Variants in SDC2 observed in about 807,000 individuals in gnomAD.
SDC2 encodes syndecan-2.
A neutral mutation model predicts 22.2 loss-of-function variants in SDC2; 13 were observed. That is an observed-to-expected ratio of 0.59 (90% CI 0.38 to 0.93). SDC2 has a LOEUF of 0.93. Among genes scored for constraint, SDC2 ranks in the 40% least tolerant of loss-of-function variants. SDC2 has a pLI of 0.00. For missense variants in SDC2, 235 were observed against 246.8 expected, an observed-to-expected ratio of 0.95 and a Z score of 0.32; for synonymous variants, 94 against 92.8, an observed-to-expected ratio of 1.01 and a Z score of -0.07.
At chr8:96,572,027 T>C (rs1001305563) in intron 1 of SDC2, among the ~76,000 whole-genome samples, 8 of 152,190 alleles carry the variant, frequency 5.3e-5, no homozygotes, top group African/African-American at 1.9e-4. Flanking sequence ...GGGGTTTGTT[T>C]ATCCTTCTGT....
At chr8:96,566,683 A>G (rs1436945197) in intron 1 of SDC2, among the ~76,000 whole-genome samples, 1 of 150,060 alleles carries the variant, frequency 6.7e-6, no homozygotes, top group Non-Finnish European at 1.5e-5. Context: ...TTTTTATTTT[A>G]TTTTTATATT....
Position 96,515,653 on chromosome 8 carries a change from C to T in SDC2, c.60+21322C>T, listed in dbSNP as rs567622045. ...TATTTTTGGCTCTGAATATTATACA[C>T]TGAACATAGAGTCTTGTCCTGGAAT... On this transcript the variant is annotated intron_variant, in intron 1 of 4. Coordinates refer to ENST00000302190, the MANE Select transcript of SDC2 (RefSeq NM_002998.4). Among the ~76,000 whole-genome samples the T allele has an allele frequency of 4.6e-5, 7 of 152,238 alleles. No homozygotes were observed. The East Asian group carries it at 1.2e-3, about 25-fold the overall frequency.
chr8:96,528,771 A>G (rs367714933), intron 1 of SDC2, among the ~76,000 whole-genome samples: 284 of 152,302 alleles, frequency 1.9e-3, no homozygotes, highest in African/African-American at 6.2e-3. Context: ...TGGCAGAGAG[A>G]AAAACTGGAA....
intron 1 of SDC2, among the ~76,000 whole-genome samples, chr8:96,519,857 A>C (rs1398864214): frequency 6.6e-6 from 1 of 151,782 alleles, no homozygotes; most frequent in Non-Finnish European, 1.5e-5. Context: ...TGAACTCCTG[A>C]CCTCAAGTGA....
chr8:96,590,963 C>T (rs1331074307), intron 1 of SDC2, among the ~76,000 whole-genome samples: 1 of 152,148 alleles, frequency 6.6e-6, no homozygotes, highest in Non-Finnish European at 1.5e-5. Context: ...CTGACTTCCA[C>T]CCCAAGTCTT....
intron 1 of SDC2, among the ~76,000 whole-genome samples, chr8:96,509,249 G>A (rs1356690332): frequency 7.1e-6 from 1 of 141,826 alleles, no homozygotes; most frequent in Non-Finnish European, 1.6e-5. Flanking sequence ...TTAATTAATG[G>A]GTGTCAAGCA....
intron 1 of SDC2, among the ~76,000 whole-genome samples, chr8:96,593,040 T>C (rs1419986825): frequency 1.3e-5 from 2 of 152,178 alleles, no homozygotes; most frequent in Non-Finnish European, 2.9e-5. Context: ...CCCTGGGTGA[T>C]TATTTAGCCT....
intron 1 of SDC2, among the ~76,000 whole-genome samples, chr8:96,494,925 A>G (rs1035992882): frequency 6.6e-6 from 1 of 152,232 alleles, no homozygotes; most frequent in Non-Finnish European, 1.5e-5. Context: ...GGTAACCGAC[A>G]CTACGTGGAA....
At position 96,608,408 on chromosome 8, in the gene SDC2, A is replaced by G. The variant is rs1201365385; in HGVS notation, c.380A>G (p.Asp127Gly). ...SERKMDPAEE[D>G]TNVYTEKHSD... ...AGGAAAATGGACCCAGCCGAAGAGG[A>G]TACAAATGTGTATACTGAGAAACAC... Residue 127 changes from aspartate to glycine, a missense_variant, in exon 4 of 5, where the codon GAT (aspartate) becomes GGT (glycine). Asp to Gly is a moderately conservative substitution (Grantham distance 94). Transcript: ENST00000302190. 6.2e-7 allele frequency: 1 copy of G among 1,613,916 alleles called. No homozygotes were observed. Among genetic ancestry groups the G allele is most frequent in the Admixed American group, 1.7e-5 (1 of 60,002 alleles).
rs1813535459 is a variant in SDC2 at position 96,523,841 on chromosome 8, TATC to T, written c.60+29513_60+29515del. On this transcript the variant is annotated intron_variant, in intron 1 of 4. Transcript: ENST00000302190. Reference sequence around the variant, plus strand: ...GCTAATGATTTCTTTTCCCTTAAAATATCATACAGGGGAGTAGGATTTAGGTAG... The same window carrying T: ...GCTAATGATTTCTTTTCCCTTAAAATATACAGGGGAGTAGGATTTAGGTAG... 2.6e-5 allele frequency among the ~76,000 whole-genome samples: 4 copies of T among 152,320 alleles called. 1 individual carries two copies. In the South Asian group the frequency reaches 8.3e-4, roughly 32 times the overall value.
Position 96,602,394 on chromosome 8 carries a change from GGAGCTGATGAGGATGTAGAGAGTCCA to G in SDC2, c.180_205del (p.Glu61AsnfsTer12). 6.2e-7 allele frequency: 1 copy of G among 1,613,518 alleles called. No individual in the cohort carries two copies. The highest frequency in any genetic ancestry group is 8.5e-7 in the Non-Finnish European group (1 of 1,179,660). ...CAGTTCATCTTCACTTACTTTTCCA[GGAGCTGATGAGGATGTAGAGAGTCCA>G]GAGCTGACAACATCTCGACCACTTC... On this transcript the variant is annotated frameshift_variant and splice_region_variant, in exon 3 of 5. Transcript: ENST00000302190. LOFTEE classifies it high-confidence loss of function.
At chr8:96,562,175 T>C (rs1814220677) in intron 1 of SDC2, among the ~76,000 whole-genome samples, 1 of 152,126 alleles carries the variant, frequency 6.6e-6, no homozygotes, top group African/African-American at 2.4e-5. Flanking sequence ...TTGTGAAGAG[T>C]TTTTAAGATC....
At chr8:96,606,583 A>G (rs1175645744) in intron 3 of SDC2, among the ~76,000 whole-genome samples, 1 of 152,192 alleles carries the variant, frequency 6.6e-6, no homozygotes, top group Non-Finnish European at 1.5e-5. Flanking sequence ...GAACTGGGGC[A>G]GTGCTGTTGG....
At chr8:96,587,024 G>A (rs948777624) in intron 1 of SDC2, among the ~76,000 whole-genome samples, 2 of 152,166 alleles carry the variant, frequency 1.3e-5, no homozygotes, top group Admixed American at 6.5e-5. Flanking sequence ...CTGGGTTCAA[G>A]CGATTCTCCT....
chr8:96,520,503 C>A (rs1236864764), intron 1 of SDC2, among the ~76,000 whole-genome samples: 1 of 152,176 alleles, frequency 6.6e-6, no homozygotes, highest in African/African-American at 2.4e-5. Flanking sequence ...AGCCTCTCCT[C>A]ACATTCCCAA....
chr8:96,527,738 T>C lies in SDC2; in HGVS notation c.60+33407T>C, dbSNP rs1354668687. Among the ~76,000 whole-genome samples the C allele has an allele frequency of 2.6e-5, 4 of 152,190 alleles. No individual in the cohort carries two copies. The East Asian group carries it at 7.7e-4, about 29-fold the overall frequency. On this transcript the variant is annotated intron_variant, in intron 1 of 4. Coordinates refer to ENST00000302190, the MANE Select transcript of SDC2 (RefSeq NM_002998.4). ...TAGGGTGCATTTAAAAGGCACTGAA[T>C]GTTTGGAATGGAGTGCAAGAATTAA... is the stretch of plus-strand genomic sequence containing the variant.
chr8:96,538,586 A>G (rs370594796), intron 1 of SDC2: 1 of 152,138 alleles, frequency 6.6e-6, no homozygotes, highest in Non-Finnish European at 1.5e-5. Flanking sequence ...TTCCAATTCT[A>G]TTGCATATGA....
At chr8:96,589,553 C>T (rs1209856147) in intron 1 of SDC2, among the ~76,000 whole-genome samples, 3 of 152,178 alleles carry the variant, frequency 2.0e-5, no homozygotes, top group African/African-American at 7.2e-5. Flanking sequence ...GCTGGGATTA[C>T]AGGCACCTGC....
At chr8:96,532,502 T>G (rs1813681463) in intron 1 of SDC2, among the ~76,000 whole-genome samples, 1 of 149,518 alleles carries the variant, frequency 6.7e-6, no homozygotes, top group Non-Finnish European at 1.5e-5. Flanking sequence ...AAAATATTTT[T>G]TCCCTTAGTT....
Sources: allele counts gnomAD v4.1 joint callset (sites outside exome capture counted in the v4.1 genomes callset), GRCh38; gene constraint gnomAD v4.1.1; transcripts MANE v1.5; gene names NCBI Gene and HGNC (gene_info 2026-07-23, HGNC 2026-07-21).